Variants in SLC24A3 observed in about 807,000 individuals in gnomAD.
The protein encoded by SLC24A3 is sodium/potassium/calcium exchanger 3.
Under a neutral mutation model 75.8 loss-of-function variants are expected in SLC24A3, and 28 were observed. The ratio of observed to expected loss-of-function variants is 0.37; its 90% CI spans 0.27 to 0.51. The LOEUF (loss-of-function observed/expected upper bound fraction) is 0.51. Among genes scored for constraint, SLC24A3 ranks in the 20% least tolerant of loss-of-function variants. The pLI, the probability that SLC24A3 is intolerant of heterozygous loss-of-function variation, is 0.94. For missense variants in SLC24A3, 663 were observed against 847.8 expected (o/e 0.78, Z 2.71); for synonymous variants, 372 against 334.1 (o/e 1.11, Z -1.24).
chr20:19,672,201 C>T (rs540377545), intron 8 of SLC24A3, among the ~76,000 whole-genome samples: 171 of 152,130 alleles, frequency 1.1e-3, no homozygotes, highest in Non-Finnish European at 1.9e-3. Flanking sequence ...TGTGCACAGC[C>T]CTTTAAGAAG....
chr20:19,457,329 T>C (rs932043025), intron 2 of SLC24A3, among the ~76,000 whole-genome samples: 2 of 152,230 alleles, frequency 1.3e-5, no homozygotes, highest in Non-Finnish European at 2.9e-5. Flanking sequence ...GCTGTAACTT[T>C]AAAATGAAGG....
chr20:19,580,050 C>G lies in SLC24A3; in HGVS notation c.399C>G (p.Val133=), dbSNP rs1230666873. The G allele has an allele frequency of 6.2e-7, 1 of 1,613,916 alleles. No homozygotes were observed. Among genetic ancestry groups the G allele is most frequent in the Admixed American group, 1.7e-5 (1 of 60,010 alleles). Reference sequence around the variant, plus strand: ...CCATTGTGTGTGATGACTTCTTCGTCCCTTCCTTGGAAAAGATCTGTGAGG... The same window carrying G: ...CCATTGTGTGTGATGACTTCTTCGTGCCTTCCTTGGAAAAGATCTGTGAGG... ...ALAIVCDDFF[V]PSLEKICERL... Residue 133 remains valine (V), a synonymous_variant, in exon 4 of 17, where the codon GTC becomes GTG. Transcript: ENST00000328041.
chr20:19,215,339 G>A (rs977668304), intron 1 of SLC24A3, among the ~76,000 whole-genome samples: 1 of 152,104 alleles, frequency 6.6e-6, no homozygotes, highest in Non-Finnish European at 1.5e-5. Context: ...CACAGCATTC[G>A]AAGAGTAGAG....
rs185881688 is a variant in SLC24A3 at position 19,251,133 on chromosome 20, G to A, written c.143-29826G>A. Among the ~76,000 whole-genome samples, 313 of 152,248 alleles carry A rather than the reference G, an allele frequency of 2.1e-3. 9 individuals carry two copies. The South Asian group carries it at 0.058, about 28-fold the overall frequency. On this transcript the variant is annotated intron_variant, in intron 1 of 16. Transcript: ENST00000328041. ...TTTTGTCATGCAGCTGCCCATGAACGCTGCTCAGAATGGAAAACCCAGCTC... is the reference window on the plus strand; with the variant it reads ...TTTTGTCATGCAGCTGCCCATGAACACTGCTCAGAATGGAAAACCCAGCTC...
intron 2 of SLC24A3, among the ~76,000 whole-genome samples, chr20:19,338,764 T>C (rs1022574323): frequency 4.3e-4 from 66 of 152,186 alleles, no homozygotes; most frequent in Non-Finnish European, 1.6e-4. Flanking sequence ...ACAGTGCTTA[T>C]GATATGGGGC....
At chr20:19,345,397 G>A (rs1313276896) in intron 2 of SLC24A3, among the ~76,000 whole-genome samples, 1 of 152,178 alleles carries the variant, frequency 6.6e-6, no homozygotes, top group Admixed American at 6.5e-5. Flanking sequence ...TATCCACAAA[G>A]TGATTTCTAA....
intron 1 of SLC24A3, among the ~76,000 whole-genome samples, chr20:19,276,300 C>T (rs1983484933): frequency 6.6e-6 from 1 of 152,170 alleles, no homozygotes; most frequent in East Asian, 1.9e-4. Flanking sequence ...TTAGAAGTGT[C>T]TTATTTCTTC....
chr20:19,316,429 G>C (rs1984588714), intron 2 of SLC24A3, among the ~76,000 whole-genome samples: 1 of 152,218 alleles, frequency 6.6e-6, no homozygotes, highest in Non-Finnish European at 1.5e-5. Flanking sequence ...AAACCATCAG[G>C]GTTTGCTCCA....
At chr20:19,433,070 T>C (rs1164512857) in intron 2 of SLC24A3, among the ~76,000 whole-genome samples, 1 of 152,198 alleles carries the variant, frequency 6.6e-6, no homozygotes, top group Admixed American at 6.5e-5. Flanking sequence ...GATATAGATA[T>C]TTTATCTTGT....
chr20:19,666,739 T>C (rs2032403999), intron 8 of SLC24A3, among the ~76,000 whole-genome samples: 1 of 152,142 alleles, frequency 6.6e-6, no homozygotes, highest in Non-Finnish European at 1.5e-5. Context: ...ATCCTAGCAC[T>C]TTGGGAGGCC....
chr20:19,717,560 C>T lies in SLC24A3; in HGVS notation c.1752C>T (p.Ser584=), dbSNP rs753628756. The T allele has an allele frequency of 5.3e-5, 85 of 1,614,068 alleles. No individual in the cohort carries two copies. Among genetic ancestry groups the T allele is most frequent in the Non-Finnish European group, 6.3e-5 (74 of 1,180,030 alleles). Residue 584 remains serine (S), a synonymous_variant, in exon 16 of 17, where the codon TCC becomes TCT. Transcript: ENST00000328041. ...TGAATAGCAGGGGGCTGATCTACTC[C>T]GTAGGCTTGCTCCTGGCCTCTGTTT... ...IRLNSRGLIY[S]VGLLLASVFV...
Position 19,511,624 on chromosome 20 carries a change from G to A in SLC24A3, c.272-3864G>A, listed in dbSNP as rs188258856. 9.7e-3 allele frequency among the ~76,000 whole-genome samples: 1,470 copies of A among 152,194 alleles called. 24 individuals are homozygous for A. The highest frequency in any genetic ancestry group is 9.9e-3 in the Non-Finnish European group (674 of 68,002). Reference sequence around the variant, plus strand: ...TTACAGGCGTGAGCCACCGCGCCCGGCCTGGGCTTAGCTCAATTTTTAGAT... The same window carrying A: ...TTACAGGCGTGAGCCACCGCGCCCGACCTGGGCTTAGCTCAATTTTTAGAT... On this transcript the variant is annotated intron_variant, in intron 2 of 16. Transcript: ENST00000328041.
intron 1 of SLC24A3, among the ~76,000 whole-genome samples, chr20:19,217,461 G>A (rs1367073108): frequency 6.6e-6 from 1 of 152,178 alleles, no homozygotes. Flanking sequence ...ACGTATGTAT[G>A]TATGCATATA....
chr20:19,229,122 A>C (rs1298843177), intron 1 of SLC24A3, among the ~76,000 whole-genome samples: 1 of 152,058 alleles, frequency 6.6e-6, no homozygotes, highest in East Asian at 1.9e-4. Flanking sequence ...GAGAAGTGTT[A>C]ATTTCATTAA....
intron 2 of SLC24A3, among the ~76,000 whole-genome samples, chr20:19,450,298 A>G (rs1198437155): frequency 1.3e-5 from 2 of 152,222 alleles, no homozygotes; most frequent in Non-Finnish European, 2.9e-5. Context: ...GACAGCTCTC[A>G]TGTAGGATGG....
At chr20:19,365,004 G>C (rs961460197) in intron 2 of SLC24A3, among the ~76,000 whole-genome samples, 4 of 152,172 alleles carry the variant, frequency 2.6e-5, no homozygotes, top group Non-Finnish European at 5.9e-5. Flanking sequence ...GGACCACAGA[G>C]AGGGGATCCA....
At chr20:19,566,542 C>A (rs1195531771) in intron 3 of SLC24A3, among the ~76,000 whole-genome samples, 4 of 152,198 alleles carry the variant, frequency 2.6e-5, no homozygotes, top group Admixed American at 6.5e-5. Context: ...GGATAAAGAA[C>A]CTCAATCATC....
chr20:19,544,976 T>G (rs1293686137), intron 3 of SLC24A3, among the ~76,000 whole-genome samples: 3 of 152,200 alleles, frequency 2.0e-5, no homozygotes, highest in Non-Finnish European at 4.4e-5. Flanking sequence ...GGCCTCCTCC[T>G]AGCACCAGAT....
chr20:19,621,394 A>G (rs145759878), intron 6 of SLC24A3, among the ~76,000 whole-genome samples: 200 of 152,280 alleles, frequency 1.3e-3, no homozygotes, highest in African/African-American at 4.1e-3. Context: ...GTAGATTTGT[A>G]GAAGGGTTGT....
Sources: gnomAD v4.1 joint callset for allele counts (sites outside exome capture counted in the v4.1 genomes callset) on GRCh38, gnomAD v4.1.1 for gene constraint, MANE v1.5 for transcripts, NCBI Gene and HGNC (gene_info 2026-07-23, HGNC 2026-07-21) for gene names.